SCN1A: variants seen among roughly 807,000 people sequenced by gnomAD.
The protein encoded by SCN1A is sodium channel protein type 1 subunit alpha.
Under a neutral mutation model 193.7 loss-of-function variants are expected in SCN1A, and 13 were observed. The observed-to-expected ratio is 0.07, with a 90% CI of 0.04 to 0.11. The LOEUF is 0.11. SCN1A is among the 10% of genes least tolerant of loss of function. The pLI is 1.00. For missense variants in SCN1A, 1,432 were observed against 2,451.1 expected (o/e 0.58, Z 8.78); for synonymous variants, 781 against 843.6 (o/e 0.93, Z 1.29).
At chr2:166,044,475 T>A (rs77074501) in intron 13 of SCN1A, among the ~76,000 whole-genome samples, 1 of 152,172 alleles carries the variant, frequency 6.6e-6, no homozygotes. Flanking sequence ...CTCCTCACAA[T>A]TTACTTTAGT....
rs745464724 is a variant in SCN1A at position 165,991,355 on chromosome 2, C to T, written c.5920G>A (p.Asp1974Asn). 1.2e-6 allele frequency: 2 copies of T among 1,613,104 alleles called. No individual in the cohort carries two copies. The highest frequency in any genetic ancestry group is 1.7e-6 in the Non-Finnish European group (2 of 1,179,760). The change falls in exon 29 of 29, where the codon GAT becomes AAT. Residue 1974 changes from aspartate to asparagine, a missense_variant. By Grantham distance (23) the Asp-to-Asn change is conservative (BLOSUM62 1). This residue lies in a region of SCN1A where 148 missense variants were observed against 160.3 expected (regional missense o/e 0.92). Coordinates refer to ENST00000674923, the MANE Select transcript of SCN1A (RefSeq NM_001165963.4). ...INENSITEKT[D>N]LTMSTAACPP... ...CAAGCTGCAGTGGACATGGTCAGATCAGTTTTTTCTGTAATAGAGTTTTCA... is the reference window on the plus strand; with the variant it reads ...CAAGCTGCAGTGGACATGGTCAGATTAGTTTTTTCTGTAATAGAGTTTTCA...
In SCN1A at chr2:165,992,564, T is replaced by A. The variant is rs6754638; in HGVS notation, c.4853-142A>T. ...ATGACAACTATATATAATATATATA[T>A]AATTGTACATAATATATTATAAATC... On this transcript the variant is annotated intron_variant, in intron 28 of 28. Transcript: ENST00000674923. The surrounding 1 kb of genome is among the most constrained non-coding windows in gnomAD (Gnocchi z 6.5). 0.053 allele frequency: 22,424 copies of A among 422,068 alleles called. 1,695 individuals are homozygous for A. The highest frequency in any genetic ancestry group is 0.22 in the African/African-American group (10,693 of 49,050). The allele number at this position is 422,068 out of a possible 1,614,324, so 26.1% of individuals were successfully genotyped here.
chr2:166,107,941 A>G (rs1482694652), intron 2 of SCN1A, among the ~76,000 whole-genome samples: 1 of 152,148 alleles, frequency 6.6e-6, no homozygotes, highest in Non-Finnish European at 1.5e-5. Flanking sequence ...AAAAGAGAAC[A>G]TTGATAAATT....
At chr2:166,093,704 G>C (rs954576629) in intron 2 of SCN1A, among the ~76,000 whole-genome samples, 3 of 152,020 alleles carry the variant, frequency 2.0e-5, no homozygotes, top group Admixed American at 6.6e-5. Context: ...TTTATGTTTT[G>C]AATACAAGTG....
At chr2:166,047,528 C>G in intron 11 of SCN1A, 99 bp downstream of exon 11, 1 of 1,350,738 alleles carries the variant, frequency 7.4e-7, no homozygotes, top group South Asian at 1.2e-5. Flanking sequence ...TCAAGTTCTG[C>G]TCTTTCTACT....
At chr2:166,024,697 C>T (rs1373848281) in intron 19 of SCN1A, among the ~76,000 whole-genome samples, 1 of 152,128 alleles carries the variant, frequency 6.6e-6, no homozygotes, top group East Asian at 1.9e-4. Context: ...AGGTCTCATT[C>T]TGTCACCCAG....
At chr2:166,041,552 T>C in intron 15 of SCN1A, 83 bp from the exon 16 acceptor site, 1 of 946,436 alleles carries the variant, frequency 1.1e-6, no homozygotes, top group Non-Finnish European at 1.6e-6. Flanking sequence ...CTAAACTTAT[T>C]TTCAGTAATC....
chr2:166,058,546 T>C, intron 5 of SCN1A, 24 bp downstream of exon 5: 2 of 1,278,914 alleles, frequency 1.6e-6, no homozygotes, highest in Non-Finnish European at 2.3e-6. Flanking sequence ...AAATAGTTAA[T>C]ATTAATCACT....
chr2:166,034,660 G>C (rs970635070), intron 19 of SCN1A, among the ~76,000 whole-genome samples: 4 of 152,170 alleles, frequency 2.6e-5, no homozygotes, highest in African/African-American at 9.7e-5. Context: ...ATGGATTAAA[G>C]TTTTGTCTCC....
chr2:166,122,204 C>T (rs1443053821), intron 2 of SCN1A, among the ~76,000 whole-genome samples: 4 of 152,090 alleles, frequency 2.6e-5, no homozygotes, highest in Non-Finnish European at 5.9e-5. Context: ...CAGTAGTTTC[C>T]CCAATGGTAT....
At chr2:166,046,729 G>C in intron 12 of SCN1A, 41 bp downstream of exon 12, 6 of 1,593,916 alleles carry the variant, frequency 3.8e-6, no homozygotes, top group Non-Finnish European at 5.2e-6. Context: ...GTAACAATCA[G>C]AACGATAAAA....
At chr2:166,027,392 T>A (rs1376178923) in intron 19 of SCN1A, among the ~76,000 whole-genome samples, 1 of 152,180 alleles carries the variant, frequency 6.6e-6, no homozygotes, top group Admixed American at 6.5e-5. Context: ...TAAATGCTTT[T>A]TTTCTTGTTC....
chr2:166,018,578 A>G (rs916399206), intron 19 of SCN1A, among the ~76,000 whole-genome samples: 1 of 151,980 alleles, frequency 6.6e-6, no homozygotes, highest in Non-Finnish European at 1.5e-5. Flanking sequence ...ATGTAGATTT[A>G]TGGTTCTTCT....
chr2:166,117,381 AAAATT>A (rs1481469063), intron 2 of SCN1A, among the ~76,000 whole-genome samples: 1 of 152,204 alleles, frequency 6.6e-6, no homozygotes, highest in African/African-American at 2.4e-5. Flanking sequence ...TAGATTAAAT[AAAATT>A]AATTTCTAGT....
chr2:166,129,809 T>C (rs1691577876), upstream of SCN1A, among the ~76,000 whole-genome samples: 1 of 152,200 alleles, frequency 6.6e-6, no homozygotes, highest in Admixed American at 6.5e-5. Context: ...TGCCAATTTT[T>C]CTGAGTGTCT....
chr2:166,092,345 T>C (rs1449653682), intron 2 of SCN1A, among the ~76,000 whole-genome samples: 1 of 152,136 alleles, frequency 6.6e-6, no homozygotes, highest in Non-Finnish European at 1.5e-5. Context: ...AGTTAATGAA[T>C]GGGCAAATTT....
At position 166,045,073 on chromosome 2, in the gene SCN1A, T is replaced by A. The variant is rs1697633357; in HGVS notation, c.1632A>T (p.Thr544=). Residue 544 remains threonine (T), a synonymous_variant, in exon 13 of 29, where the codon ACA becomes ACT. Transcript: ENST00000674923. ...FRFSIEGNRL[T]YEKRYSSPHQ... The stretch of plus-strand genomic sequence containing the variant: ...GTGGGGAGGAGTACCTCTTTTCATA[T>A]GTCAATCGGTTCCCTTCAATGGAGA... The A allele has an allele frequency of 6.2e-7, 1 of 1,614,184 alleles. No individual in the cohort carries two copies. The highest frequency in any genetic ancestry group is 1.3e-5 in the African/African-American group (1 of 75,054).
chr2:166,138,485 C>T (rs1691951884), intron 1 of SCN1A, among the ~76,000 whole-genome samples: 1 of 152,286 alleles, frequency 6.6e-6, no homozygotes, highest in East Asian at 1.9e-4. Flanking sequence ...GTGCATGGGT[C>T]ATAGCTTCAG....
intron 1 of SCN1A, among the ~76,000 whole-genome samples, chr2:166,145,560 A>G (rs998886145): frequency 6.6e-6 from 1 of 151,850 alleles, no homozygotes; most frequent in African/African-American, 2.4e-5. Context: ...GCGCACATGC[A>G]TGTGTGTGAG....
Sources: allele counts gnomAD v4.1 joint callset (sites outside exome capture counted in the v4.1 genomes callset), GRCh38; gene constraint gnomAD v4.1.1; regional missense constraint gnomAD v4.1.1; non-coding constraint Gnocchi (gnomAD v3.1); transcripts MANE v1.5; gene names NCBI Gene and HGNC (gene_info 2026-07-23, HGNC 2026-07-21).